Variants in ZC3H12B observed in about 807,000 individuals in gnomAD.
ZC3H12B encodes probable ribonuclease ZC3H12B.
Under a neutral mutation model 43.9 loss-of-function variants are expected in ZC3H12B, and 7 were observed. The ratio of observed to expected loss-of-function variants is 0.16; its 90% CI spans 0.09 to 0.30. The LOEUF is 0.30. Ranked by LOEUF, ZC3H12B falls within the 10% of genes least tolerant of loss-of-function variation. The pLI is 1.00. For missense variants in ZC3H12B, 475 were observed against 670.2 expected (o/e 0.71, Z 3.22); for synonymous variants, 222 against 241.7 (o/e 0.92, Z 0.76).
At chrX:65,211,236 T>C in the ZC3H12B span, among the ~76,000 whole-genome samples, 1 of 109,266 alleles carries the variant, frequency 9.2e-6, no homozygotes, top group Non-Finnish European at 1.9e-5. Flanking sequence ...ATTGCGAAAA[T>C]TTTCTCCCAT....
At chrX:65,106,319 G>T in the ZC3H12B span, among the ~76,000 whole-genome samples, 1 of 111,915 alleles carries the variant, frequency 8.9e-6, no homozygotes, top group South Asian at 3.7e-4. Flanking sequence ...AGAGAGGAGC[G>T]TGGAGGGCAT....
At chrX:65,302,928 G>T in the ZC3H12B span, among the ~76,000 whole-genome samples, 1 of 111,230 alleles carries the variant, frequency 9.0e-6, no homozygotes, top group Non-Finnish European at 1.9e-5. Context: ...TTAAATAAAT[G>T]GTACTTGAAT....
chrX:65,124,021 A>C, the ZC3H12B span, among the ~76,000 whole-genome samples: 3 of 110,886 alleles, frequency 2.7e-5, no homozygotes, highest in African/African-American at 6.5e-5. Context: ...GACTTCCAGT[A>C]CTATGTTGAA....
chrX:65,481,767 A>G (rs2068066674), intron 3 of ZC3H12B, among the ~76,000 whole-genome samples: 2 of 112,463 alleles, frequency 1.8e-5, no homozygotes, highest in Admixed American at 9.5e-5. Flanking sequence ...CAGCTCTTGA[A>G]AAAAGCAATA....
At chrX:65,451,656 A>T (rs2067514754) in intron 3 of ZC3H12B, among the ~76,000 whole-genome samples, 1 of 111,744 alleles carries the variant, frequency 8.9e-6, no homozygotes, top group South Asian at 3.7e-4. Flanking sequence ...TGTCATTGTT[A>T]TATATGAAAA....
chrX:65,472,998 G>GTA (rs370502555), intron 3 of ZC3H12B, among the ~76,000 whole-genome samples: 1,730 of 77,723 alleles, frequency 0.022, 86 homozygotes, highest in East Asian at 0.17. Flanking sequence ...ATATATATAT[G>GTA]TATATATATA....
the ZC3H12B span, among the ~76,000 whole-genome samples, chrX:65,131,523 G>C: frequency 9.0e-6 from 1 of 111,292 alleles, no homozygotes; most frequent in Non-Finnish European, 1.9e-5. Flanking sequence ...AGTTAGTGTG[G>C]GAGCAGCTTC....
chrX:65,058,778 G>A, the ZC3H12B span, among the ~76,000 whole-genome samples: 4 of 112,150 alleles, frequency 3.6e-5, no homozygotes, highest in Non-Finnish European at 7.5e-5. Context: ...AGCAGTGGCG[G>A]CCGCTCTTCC....
At chrX:65,204,657 T>A in the ZC3H12B span, among the ~76,000 whole-genome samples, 1 of 111,979 alleles carries the variant, frequency 8.9e-6, no homozygotes, top group South Asian at 3.7e-4. Flanking sequence ...AAGATTTATT[T>A]ACAAAGTGGT....
At chrX:65,365,670 C>A (rs1366195111), upstream of ZC3H12B, among the ~76,000 whole-genome samples, 1 of 111,318 alleles carries the variant, frequency 9.0e-6, no homozygotes, top group Non-Finnish European at 1.9e-5. Context: ...GAATGTCAGG[C>A]CTCTGAGCCC....
At chrX:65,257,045 T>G in the ZC3H12B span, among the ~76,000 whole-genome samples, 2 of 111,846 alleles carry the variant, frequency 1.8e-5, no homozygotes, top group African/African-American at 3.3e-5. Flanking sequence ...GACAGTGTGG[T>G]GATTCCTCAG....
the ZC3H12B span, among the ~76,000 whole-genome samples, chrX:65,189,818 A>G: frequency 9.0e-6 from 1 of 110,621 alleles, no homozygotes; most frequent in Non-Finnish European, 1.9e-5. Context: ...CCCATTTGTC[A>G]ATTTTGCCTT....
chrX:65,501,829 T>C lies in ZC3H12B; in HGVS notation c.1131T>C (p.His377=), dbSNP rs766884441. Residue 377 remains histidine, a synonymous_variant, in exon 5 of 5, where the codon CAT becomes CAC. Coordinates refer to ENST00000338957, the Ensembl canonical transcript of ZC3H12B. ...ACGGCCACAAGTGCAAATACTACCATCCGGAGCGGGCCAACCAACCCCAGC... is the reference window on the plus strand; with the variant it reads ...ACGGCCACAAGTGCAAATACTACCACCCGGAGCGGGCCAACCAACCCCAGC... The C allele has an allele frequency of 7.6e-6, 9 of 1,191,986 alleles. No individual in the cohort carries two copies. In the East Asian group the frequency reaches 2.7e-4, roughly 36 times the overall value.
the ZC3H12B span, among the ~76,000 whole-genome samples, chrX:65,043,152 T>G: frequency 9.0e-6 from 1 of 111,374 alleles, no homozygotes; most frequent in South Asian, 3.7e-4. Flanking sequence ...TAAATATGGT[T>G]ATTAGGCCCC....
chrX:65,326,948 A>G, the ZC3H12B span, among the ~76,000 whole-genome samples: 38 of 111,436 alleles, frequency 3.4e-4, no homozygotes, highest in Non-Finnish European at 5.5e-4. Flanking sequence ...TTCTCTTACA[A>G]TGGCTATTAT....
chrX:65,275,645 GA>G, the ZC3H12B span, among the ~76,000 whole-genome samples: 1 of 112,606 alleles, frequency 8.9e-6, no homozygotes, highest in Non-Finnish European at 1.9e-5. Flanking sequence ...CCACCTGGAA[GA>G]AAGGTGAGTG....
chrX:65,202,180 T>A, the ZC3H12B span, among the ~76,000 whole-genome samples: 30 of 99,308 alleles, frequency 3.0e-4, no homozygotes, highest in South Asian at 6.9e-3. Flanking sequence ...ATATTATATG[T>A]AATATATATT....
chrX:65,406,086 C>T (rs1445143340), intron 3 of ZC3H12B, among the ~76,000 whole-genome samples: 1 of 111,542 alleles, frequency 9.0e-6, no homozygotes, highest in Non-Finnish European at 1.9e-5. Context: ...GGTACCCATC[C>T]TACTAAAACT....
At chrX:65,421,147 G>A (rs1378596250) in intron 3 of ZC3H12B, among the ~76,000 whole-genome samples, 2 of 112,454 alleles carry the variant, frequency 1.8e-5, no homozygotes, top group Non-Finnish European at 3.8e-5. Context: ...AGAGGAAGTA[G>A]CAACAACACT....
Sources: gnomAD v4.1 joint callset for allele counts (sites outside exome capture counted in the v4.1 genomes callset) on GRCh38, gnomAD v4.1.1 for gene constraint, MANE v1.5 for transcripts, NCBI Gene and HGNC (gene_info 2026-07-23, HGNC 2026-07-21) for gene names.